The following MEF2C variants were observed in gnomAD, a reference collection of about 807,000 sequenced individuals.
MEF2C encodes myocyte-specific enhancer factor 2C.
A neutral mutation model predicts 50.5 loss-of-function variants in MEF2C; 6 were observed. That is an observed-to-expected ratio of 0.12 (90% CI 0.07 to 0.23). The LOEUF (loss-of-function observed/expected upper bound fraction) is 0.23. Ranked by LOEUF, MEF2C falls within the 10% of genes least tolerant of loss-of-function variation. The pLI is 1.00. For synonymous variants in MEF2C, 183 were observed against 228.0 expected (o/e 0.80, Z 1.78); for missense variants, 276 against 605.0 (o/e 0.46, Z 5.70).
intron 1 of MEF2C, among the ~76,000 whole-genome samples, chr5:88,894,170 A>G (rs1834876384): frequency 6.6e-6 from 1 of 152,176 alleles, no homozygotes; most frequent in Non-Finnish European, 1.5e-5. Flanking sequence ...CCTTTTAGAC[A>G]TGTACTATTA....
chr5:88,877,071 G>GAAC (rs1831300996), intron 1 of MEF2C, among the ~76,000 whole-genome samples: 1 of 151,932 alleles, frequency 6.6e-6, no homozygotes, highest in South Asian at 2.1e-4. Context: ...CTTGCAGGAG[G>GAAC]AACAACATTG....
At chr5:88,860,153 C>T (rs939336947) in intron 1 of MEF2C, among the ~76,000 whole-genome samples, 2 of 152,094 alleles carry the variant, frequency 1.3e-5, no homozygotes, top group East Asian at 3.9e-4. Context: ...TACATAATGG[C>T]AATATGTTCC....
At chr5:88,832,739 CACTATG>C (rs915631831) in intron 1 of MEF2C, among the ~76,000 whole-genome samples, 1 of 152,114 alleles carries the variant, frequency 6.6e-6, no homozygotes, top group African/African-American at 2.4e-5. Flanking sequence ...AAATTAATCC[CACTATG>C]ACTGGTGTCT....
At chr5:88,728,771 G>T in intron 9 of MEF2C, 143 bp from the exon 10 acceptor site, 1 of 595,632 alleles carries the variant, frequency 1.7e-6, no homozygotes, top group Non-Finnish European at 2.6e-6. Flanking sequence ...GGGGAGGGGA[G>T]ATAAAGCATC....
intron 6 of MEF2C, among the ~76,000 whole-genome samples, chr5:88,747,330 C>A (rs1485160992): frequency 5.1e-5 from 2 of 38,910 alleles, no homozygotes; most frequent in Non-Finnish European, 6.5e-5. Flanking sequence ...TTTTTTTTTA[C>A]TACTTTTTTT....
intron 5 of MEF2C, chr5:88,749,390 C>G: frequency 1.0e-6 from 1 of 985,064 alleles, no homozygotes. Context: ...TTTATTATTT[C>G]TAAGTCTAGG....
intron 1 of MEF2C, among the ~76,000 whole-genome samples, chr5:88,845,849 G>GCCT (rs1465535328): frequency 1.3e-5 from 2 of 151,564 alleles, no homozygotes; most frequent in East Asian, 3.9e-4. Context: ...TCCTGCCTCA[G>GCCT]CCTCCCAAGT....
chr5:88,758,135 C>T (rs555344379), intron 4 of MEF2C, among the ~76,000 whole-genome samples: 1 of 152,262 alleles, frequency 6.6e-6, no homozygotes, highest in South Asian at 2.1e-4. Flanking sequence ...TTCTCCTCTG[C>T]ATGTAAATAA....
chr5:88,902,109 G>A (rs1419733310), intron 1 of MEF2C, among the ~76,000 whole-genome samples: 1 of 151,716 alleles, frequency 6.6e-6, no homozygotes, highest in Admixed American at 6.6e-5. Context: ...ATCTTTAAAA[G>A]TAAATATTGT....
chr5:88,736,585 G>A (rs1764214485), intron 6 of MEF2C: 3 of 967,682 alleles, frequency 3.1e-6, no homozygotes, highest in Non-Finnish European at 3.7e-6. Context: ...TTCTTCACCA[G>A]GCCTTAAGAG....
Position 88,760,829 on chromosome 5 carries a change from C to G in MEF2C, c.402+356G>C, listed in dbSNP as rs147837706. ...CTGTTAGATTACATAATCTCAGCAT[C>G]CTTTAGGGTTTGCTTTCTAAATGAG... On this transcript the variant is annotated intron_variant, in intron 4 of 10. Transcript: ENST00000504921. 4.6e-5 allele frequency among the ~76,000 whole-genome samples: 7 copies of G among 152,282 alleles called. No individual in the cohort carries two copies. In the East Asian group the frequency reaches 1.4e-3, roughly 29 times the overall value.
At chr5:88,850,041 T>C (rs957636605) in intron 1 of MEF2C, among the ~76,000 whole-genome samples, 1 of 152,166 alleles carries the variant, frequency 6.6e-6, no homozygotes, top group African/African-American at 2.4e-5. Flanking sequence ...ACCCATTAAC[T>C]CGTCATTTAA....
intron 6 of MEF2C, chr5:88,741,318 T>G: frequency 1.0e-6 from 1 of 983,252 alleles, no homozygotes; most frequent in Non-Finnish European, 1.2e-6. Context: ...GCAGAAACTG[T>G]GCTAGACCCC....
chr5:88,805,823 CT>C (rs869224140), intron 2 of MEF2C, among the ~76,000 whole-genome samples: 803 of 61,564 alleles, frequency 0.013, 1 homozygote, highest in African/African-American at 0.028. Flanking sequence ...CGTGAACATT[CT>C]TTTTTTTTTT....
intron 6 of MEF2C, chr5:88,735,391 A>G (rs1242898674): frequency 2.3e-5 from 23 of 985,212 alleles, no homozygotes; most frequent in Non-Finnish European, 2.7e-5. Flanking sequence ...GACAATTATC[A>G]ATTTAGACGT....
chr5:88,856,695 T>A (rs1307881822), intron 1 of MEF2C, among the ~76,000 whole-genome samples: 1 of 152,244 alleles, frequency 6.6e-6, no homozygotes, highest in Non-Finnish European at 1.5e-5. Flanking sequence ...TTCAGAGGGT[T>A]CAAGCTCCAA....
chr5:88,768,931 G>A lies in MEF2C; in HGVS notation c.259-7603C>T, dbSNP rs183394004. 1.7e-4 allele frequency among the ~76,000 whole-genome samples: 26 copies of A among 152,178 alleles called. No individual in the cohort carries two copies. In the East Asian group the frequency reaches 4.4e-3, roughly 26 times the overall value. On this transcript the variant is annotated intron_variant, in intron 3 of 10. Transcript: ENST00000504921. Reference sequence around the variant, plus strand: ...TATAACTCACAAATTTTACATTATTGAACGCTTAAAATTTAGGGGTACTAG... The same window carrying A: ...TATAACTCACAAATTTTACATTATTAAACGCTTAAAATTTAGGGGTACTAG...
intron 1 of MEF2C, among the ~76,000 whole-genome samples, chr5:88,863,587 C>T (rs187030168): frequency 6.6e-6 from 1 of 152,288 alleles, no homozygotes. Context: ...CTTATTCCTC[C>T]TCCTGTCTCA....
At chr5:88,767,225 A>G (rs1404572261) in intron 3 of MEF2C, among the ~76,000 whole-genome samples, 1 of 152,206 alleles carries the variant, frequency 6.6e-6, no homozygotes, top group Non-Finnish European at 1.5e-5. Flanking sequence ...TGTGTTAGGA[A>G]AGCAGCCAAA....
Sources: gnomAD v4.1 joint callset for allele counts (sites outside exome capture counted in the v4.1 genomes callset) on GRCh38, gnomAD v4.1.1 for gene constraint, MANE v1.5 for transcripts, NCBI Gene and HGNC (gene_info 2026-07-23, HGNC 2026-07-21) for gene names.